DLG2: variants seen among roughly 807,000 people sequenced by gnomAD.
DLG2 encodes the protein discs large MAGUK scaffold protein 2.
Under a neutral mutation model 132.5 loss-of-function variants are expected in DLG2, and 45 were observed. The ratio of observed to expected loss-of-function variants is 0.34; its 90% CI spans 0.27 to 0.44. The LOEUF is 0.44. Among genes scored for constraint, DLG2 ranks in the 20% least tolerant of loss-of-function variants. DLG2 has a pLI of 1.00. For missense variants in DLG2, 1,045 were observed against 1,196.9 expected (o/e 0.87, Z 1.87); for synonymous variants, 424 against 419.6 (o/e 1.01, Z -0.13).
At chr11:84,687,688 A>G (rs2099739306) in intron 6 of DLG2, among the ~76,000 whole-genome samples, 1 of 152,170 alleles carries the variant, frequency 6.6e-6, no homozygotes, top group Non-Finnish European at 1.5e-5. Flanking sequence ...AATGACTAAC[A>G]TCACCTTCTT....
chr11:85,293,577 C>T (rs1156615990), intron 3 of DLG2, among the ~76,000 whole-genome samples: 1 of 152,052 alleles, frequency 6.6e-6, no homozygotes, highest in Non-Finnish European at 1.5e-5. Context: ...AATTATAAGA[C>T]GTTCTACTAC....
At chr11:85,278,320 T>G (rs2078018957) in intron 4 of DLG2, among the ~76,000 whole-genome samples, 1 of 152,210 alleles carries the variant, frequency 6.6e-6, no homozygotes, top group Non-Finnish European at 1.5e-5. Flanking sequence ...CAATAAAATA[T>G]CTACCATCAT....
chr11:83,609,307 C>G (rs184358517), intron 19 of DLG2, among the ~76,000 whole-genome samples: 4 of 152,202 alleles, frequency 2.6e-5, no homozygotes, highest in Admixed American at 2.6e-4. Flanking sequence ...CCATTTCCAG[C>G]CTTGTAGCCA....
intron 6 of DLG2, among the ~76,000 whole-genome samples, chr11:84,999,663 C>G (rs1566613664): frequency 1.3e-5 from 2 of 152,112 alleles, no homozygotes; most frequent in East Asian, 3.9e-4. Context: ...TCAAAGCAGC[C>G]TGAGTGATTG....
chr11:83,843,038 T>G (rs973290198), intron 16 of DLG2, among the ~76,000 whole-genome samples: 53 of 152,328 alleles, frequency 3.5e-4, no homozygotes, highest in African/African-American at 1.2e-3. Context: ...CATGTTTCTC[T>G]CTTGCTCAAA....
chr11:84,143,718 G>A (rs1033101721), intron 9 of DLG2, among the ~76,000 whole-genome samples: 10 of 151,994 alleles, frequency 6.6e-5, no homozygotes, highest in Admixed American at 2.0e-4. Context: ...GCTCTATTTC[G>A]AGCTACTAGT....
At chr11:85,296,045 AAC>A (rs949617508) in intron 3 of DLG2, among the ~76,000 whole-genome samples, 1 of 152,192 alleles carries the variant, frequency 6.6e-6, no homozygotes, top group African/African-American at 2.4e-5. Flanking sequence ...ACATGCTGTG[AAC>A]ACAGAGTATT....
intron 16 of DLG2, among the ~76,000 whole-genome samples, chr11:83,860,338 G>A (rs1486697911): frequency 6.6e-6 from 1 of 152,164 alleles, no homozygotes; most frequent in Non-Finnish European, 1.5e-5. Flanking sequence ...AAAGCCACAG[G>A]AGTGGAGCTG....
At chr11:85,238,394 C>T (rs1035871239) in intron 4 of DLG2, among the ~76,000 whole-genome samples, 6 of 151,754 alleles carry the variant, frequency 4.0e-5, no homozygotes, top group Admixed American at 6.6e-5. Flanking sequence ...CAGGCGTGCA[C>T]CACCACACCT....
In DLG2 at chr11:84,125,339, C is replaced by T. The variant is rs187685815; in HGVS notation, c.625-26292G>A. 5.3e-5 allele frequency among the ~76,000 whole-genome samples: 8 copies of T among 152,234 alleles called. No homozygotes were observed. In the East Asian group the frequency reaches 1.4e-3, roughly 26 times the overall value. On this transcript the variant is annotated intron_variant, in intron 9 of 27. Transcript: ENST00000376104. ...TTGGTTACCCATAGCTTTTATGTAG[C>T]ATGGACCATAACAGAAGTTGCCATG...
At chr11:84,018,666 TC>T (rs1308110727) in intron 11 of DLG2, among the ~76,000 whole-genome samples, 5 of 152,028 alleles carry the variant, frequency 3.3e-5, no homozygotes, top group Non-Finnish European at 7.4e-5. Flanking sequence ...CATTTTTTTT[TC>T]TTTTTTGAAA....
At chr11:85,362,428 G>T (rs1389922110) in intron 3 of DLG2, among the ~76,000 whole-genome samples, 1 of 152,092 alleles carries the variant, frequency 6.6e-6, no homozygotes, top group Non-Finnish European at 1.5e-5. Flanking sequence ...CACTACTGGT[G>T]TATAGAATGC....
intron 3 of DLG2, among the ~76,000 whole-genome samples, chr11:85,421,301 T>G (rs897570437): frequency 6.6e-6 from 1 of 152,014 alleles, no homozygotes; most frequent in African/African-American, 2.4e-5. Flanking sequence ...CCCAATGAGA[T>G]GAGCTGGGTA....
At chr11:84,862,661 C>G (rs894506658) in intron 6 of DLG2, among the ~76,000 whole-genome samples, 1 of 151,908 alleles carries the variant, frequency 6.6e-6, no homozygotes, top group South Asian at 2.1e-4. Context: ...GAATTCATGT[C>G]CTTTGCAGGG....
intron 6 of DLG2, among the ~76,000 whole-genome samples, chr11:84,675,965 G>GT (rs1197932646): frequency 4.6e-5 from 7 of 151,994 alleles, no homozygotes; most frequent in Non-Finnish European, 8.8e-5. Flanking sequence ...CCTTGAGTGG[G>GT]TTTTTTCTCT....
At chr11:84,453,287 A>C (rs1375429266) in intron 7 of DLG2, among the ~76,000 whole-genome samples, 1 of 151,704 alleles carries the variant, frequency 6.6e-6, no homozygotes, top group Non-Finnish European at 1.5e-5. Context: ...TTCATTGTTT[A>C]CAATTATCTA....
At chr11:85,266,523 G>A (rs756358142) in intron 4 of DLG2, among the ~76,000 whole-genome samples, 2 of 152,096 alleles carry the variant, frequency 1.3e-5, no homozygotes, top group African/African-American at 2.4e-5. Flanking sequence ...TCAGGTTGAT[G>A]GGTGTAGCAA....
chr11:85,026,373 T>C (rs1168181273), intron 6 of DLG2, among the ~76,000 whole-genome samples: 1 of 152,062 alleles, frequency 6.6e-6, no homozygotes, highest in Non-Finnish European at 1.5e-5. Flanking sequence ...GATACGTAAA[T>C]TAAAATATGA....
intron 6 of DLG2, among the ~76,000 whole-genome samples, chr11:84,839,941 A>C (rs1327764812): frequency 2.0e-5 from 3 of 152,180 alleles, no homozygotes; most frequent in African/African-American, 7.2e-5. Context: ...CAAGGGCTTC[A>C]TGACTAAAAC....
Sources: allele counts gnomAD v4.1 joint callset (sites outside exome capture counted in the v4.1 genomes callset), GRCh38; gene constraint gnomAD v4.1.1; transcripts MANE v1.5; gene names NCBI Gene and HGNC (gene_info 2026-07-23, HGNC 2026-07-21).